The following EED variants were observed in gnomAD, a reference collection of about 807,000 sequenced individuals.
The protein encoded by EED is polycomb protein EED.
In EED, 9 loss-of-function variants were observed where a neutral mutation model predicts 61.0. The ratio of observed to expected loss-of-function variants is 0.15; its 90% CI spans 0.09 to 0.26. The LOEUF is 0.26. Among genes scored for constraint, EED ranks in the 10% least tolerant of loss-of-function variants. The pLI, the probability that EED is intolerant of heterozygous loss-of-function variation, is 1.00. For missense variants in EED, 315 were observed against 542.3 expected, an observed-to-expected ratio of 0.58 and a Z score of 4.16; for synonymous variants, 187 against 174.4, an observed-to-expected ratio of 1.07 and a Z score of -0.57.
intron 5 of EED, among the ~76,000 whole-genome samples, chr11:86,257,062 G>A (rs1393067200): frequency 6.6e-6 from 1 of 151,384 alleles, no homozygotes; most frequent in Non-Finnish European, 1.5e-5. Context: ...TTCTGAGACA[G>A]ATTCTGACTC....
intron 4 of EED, 58 bp downstream of exon 4, chr11:86,255,345 C>A: frequency 7.4e-7 from 1 of 1,343,016 alleles, no homozygotes; most frequent in Non-Finnish European, 1.0e-6. Flanking sequence ...TCAATAAGTG[C>A]ACCAAAACTT....
chr11:86,271,862 T>G (rs1279292137), intron 9 of EED, among the ~76,000 whole-genome samples: 1 of 151,316 alleles, frequency 6.6e-6, no homozygotes, highest in Non-Finnish European at 1.5e-5. Flanking sequence ...TGTAATTTTT[T>G]GTATTGCTGA....
At chr11:86,267,066 T>C (rs1488580745) in intron 8 of EED, among the ~76,000 whole-genome samples, 1 of 152,200 alleles carries the variant, frequency 6.6e-6, no homozygotes, top group African/African-American at 2.4e-5. Context: ...AGTAGGACAA[T>C]GTTAAATTTA....
At chr11:86,249,675 T>G (rs1196060782) in intron 1 of EED, among the ~76,000 whole-genome samples, 1 of 134,960 alleles carries the variant, frequency 7.4e-6, no homozygotes. Context: ...ATTATTACTT[T>G]AGAACAATGA....
intron 1 of EED, among the ~76,000 whole-genome samples, chr11:86,249,509 T>C (rs1945472498): frequency 6.6e-6 from 1 of 152,134 alleles, no homozygotes; most frequent in Non-Finnish European, 1.5e-5. Context: ...AGTGGAATCC[T>C]CTTCTGAGAT....
intron 2 of EED, among the ~76,000 whole-genome samples, chr11:86,251,273 G>T (rs1329243020): frequency 2.0e-5 from 3 of 152,150 alleles, no homozygotes; most frequent in Non-Finnish European, 4.4e-5. Flanking sequence ...TAAAAGGAGA[G>T]AAATTAATCT....
chr11:86,275,511 T>C (rs1224800133), intron 9 of EED, among the ~76,000 whole-genome samples: 1 of 152,258 alleles, frequency 6.6e-6, no homozygotes, highest in East Asian at 1.9e-4. Flanking sequence ...TAAAAAGCTC[T>C]TAGATGATTT....
intron 2 of EED, among the ~76,000 whole-genome samples, chr11:86,251,571 T>C (rs1945531913): frequency 6.6e-6 from 1 of 152,180 alleles, no homozygotes; most frequent in South Asian, 2.1e-4. Flanking sequence ...AGTGCATAAT[T>C]GTTCTTTGTA....
intron 9 of EED, among the ~76,000 whole-genome samples, chr11:86,274,770 T>C (rs918354846): frequency 6.6e-6 from 1 of 152,174 alleles, no homozygotes; most frequent in Non-Finnish European, 1.5e-5. Flanking sequence ...GTCCTAACTC[T>C]ATTAGGCCTC....
At chr11:86,250,704 T>C (rs1397088492) in intron 2 of EED, among the ~76,000 whole-genome samples, 1 of 152,142 alleles carries the variant, frequency 6.6e-6, no homozygotes, top group Non-Finnish European at 1.5e-5. Context: ...TGCTTTATTG[T>C]TTGCATTCAA....
chr11:86,272,781 T>A (rs1946147686), intron 9 of EED, among the ~76,000 whole-genome samples: 1 of 152,206 alleles, frequency 6.6e-6, no homozygotes, highest in African/African-American at 2.4e-5. Context: ...TTCTTGTAGA[T>A]GATATAGTTG....
Position 86,268,153 on chromosome 11 carries a change from C to T in EED, c.861-303C>T, listed in dbSNP as rs192993230. On this transcript the variant is annotated intron_variant, in intron 8 of 11. Transcript: ENST00000263360. ...AGGCCTTTATTATTGGTTAGGGTAC[C>T]CAGAATTGAGGTGATTAATTTTGGG... is the stretch of plus-strand genomic sequence containing the variant. 5.0e-3 allele frequency: 933 copies of T among 185,722 alleles called. 12 individuals carry two copies. Among genetic ancestry groups the T allele is most frequent in the African/African-American group, 0.021 (895 of 42,466 alleles). The allele number at this position is 185,722 out of a possible 1,614,324, so 11.5% of individuals were successfully genotyped here. A position where few individuals can be genotyped will look rare whatever the true frequency, so the allele number is the denominator to read the frequency against.
chr11:86,249,070 T>C (rs889789299), intron 1 of EED, among the ~76,000 whole-genome samples: 3 of 152,182 alleles, frequency 2.0e-5, no homozygotes, highest in African/African-American at 4.8e-5. Flanking sequence ...GGATGTGCTA[T>C]ATAGATAATG....
chr11:86,281,132 C>T (rs1013988479), downstream of EED, among the ~76,000 whole-genome samples: 9 of 152,100 alleles, frequency 5.9e-5, no homozygotes, highest in Non-Finnish European at 1.3e-4. Flanking sequence ...TGCTAGTGTC[C>T]TTGGTCTGGC....
At chr11:86,256,305 A>C (rs1945672110) in intron 4 of EED, 82 bp from the exon 5 acceptor site, 1 of 1,325,330 alleles carries the variant, frequency 7.5e-7, no homozygotes, top group South Asian at 2.0e-5. Context: ...AAACTTTAGC[A>C]GTTCTTTATA....
rs367879986 is a variant in EED, at chr11:86,255,269, A to T, written c.408A>T (p.Gln136His). 5 of 1,609,998 alleles carry T rather than the reference A, an allele frequency of 3.1e-6. No individual in the cohort carries two copies. Among genetic ancestry groups the T allele is most frequent in the African/African-American group, 1.3e-5 (1 of 74,890 alleles). The change falls in exon 4 of 12, where the codon CAA becomes CAT. Residue 136 changes from glutamine (Q) to histidine (H), a missense_variant. Transcript: ENST00000263360. ...CHSQGEIRLL[Q>H]SYVDADADEN... ...CACAAGGAGAAATCCGGTTGTTGCA[A>T]TCTTACGTGGATGCTGATGTATCCT... is the stretch of plus-strand genomic sequence containing the variant.
At chr11:86,252,744 A>ATTGTTG (rs377482360) in intron 3 of EED, among the ~76,000 whole-genome samples, 4,617 of 151,260 alleles carry the variant, frequency 0.031, 218 homozygotes, top group African/African-American at 0.1. Context: ...TTTGGTGGTG[A>ATTGTTG]TTGTTGTTGT....
the EED span, among the ~76,000 whole-genome samples, chr11:86,285,573 A>T: frequency 6.6e-6 from 1 of 152,120 alleles, no homozygotes; most frequent in African/African-American, 2.4e-5. Context: ...CATGAATTTT[A>T]TTATTCATTT....
chr11:86,253,350 T>G (rs921955303), intron 3 of EED, among the ~76,000 whole-genome samples: 1 of 152,222 alleles, frequency 6.6e-6, no homozygotes, highest in African/African-American at 2.4e-5. Flanking sequence ...TAATTAAATT[T>G]GAGTCCACTT....
Sources: allele counts gnomAD v4.1 joint callset (sites outside exome capture counted in the v4.1 genomes callset), GRCh38; gene constraint gnomAD v4.1.1; transcripts MANE v1.5; gene names NCBI Gene and HGNC (gene_info 2026-07-23, HGNC 2026-07-21).